Variants in IL1RAPL2 observed in about 807,000 individuals in gnomAD.
The protein encoded by IL1RAPL2 is X-linked interleukin-1 receptor accessory protein-like 2.
A neutral mutation model predicts 44.1 loss-of-function variants in IL1RAPL2; 3 were observed. That is an observed-to-expected ratio of 0.07 (90% confidence interval 0.03 to 0.18). The LOEUF is 0.18. IL1RAPL2 is among the 10% of genes least tolerant of loss of function. IL1RAPL2 has a pLI of 1.00. For synonymous variants in IL1RAPL2, 181 were observed against 178.8 expected, an observed-to-expected ratio of 1.01 and a Z score of -0.10; for missense variants, 391 against 496.4, an observed-to-expected ratio of 0.79 and a Z score of 2.02.
At chrX:105,087,611 C>T (rs1425763866) in intron 2 of IL1RAPL2, among the ~76,000 whole-genome samples, 1 of 111,610 alleles carries the variant, frequency 9.0e-6, no homozygotes, top group Non-Finnish European at 1.9e-5. Flanking sequence ...TTGGCTAATG[C>T]CTATGGTTTG....
chrX:105,702,570 T>C (rs2038129093), intron 6 of IL1RAPL2, among the ~76,000 whole-genome samples: 2 of 111,968 alleles, frequency 1.8e-5, no homozygotes, highest in African/African-American at 6.5e-5. Context: ...CTTTTATTCA[T>C]AAAATTTTAC....
At chrX:105,005,601 T>C (rs757003845) in intron 2 of IL1RAPL2, among the ~76,000 whole-genome samples, 1 of 110,845 alleles carries the variant, frequency 9.0e-6, no homozygotes, top group Admixed American at 9.6e-5. Flanking sequence ...TGTATGTACC[T>C]CTTTCCCCCT....
At chrX:104,734,226 G>T (rs1177269141) in intron 2 of IL1RAPL2, among the ~76,000 whole-genome samples, 2 of 112,245 alleles carry the variant, frequency 1.8e-5, no homozygotes, top group African/African-American at 6.5e-5. Flanking sequence ...AGCTACTCTG[G>T]AAAAACAGTT....
At chrX:105,263,770 C>T in intron 4 of IL1RAPL2, among the ~76,000 whole-genome samples, 1 of 111,194 alleles carries the variant, frequency 9.0e-6, no homozygotes, top group East Asian at 2.9e-4. Flanking sequence ...GATAGCAAGG[C>T]CACAAAACGG....
At chrX:105,466,914 G>A (rs2036134279) in intron 5 of IL1RAPL2, among the ~76,000 whole-genome samples, 1 of 111,513 alleles carries the variant, frequency 9.0e-6, no homozygotes, top group South Asian at 3.8e-4. Context: ...CATGACTAGG[G>A]AGCTCACAAA....
intron 2 of IL1RAPL2, among the ~76,000 whole-genome samples, chrX:104,755,540 T>G (rs1932328214): frequency 9.0e-6 from 1 of 110,535 alleles, no homozygotes; most frequent in African/African-American, 3.3e-5. Flanking sequence ...TTAAAGTTTT[T>G]GAGAAATGTG....
At chrX:105,473,416 G>C (rs1467147067) in intron 5 of IL1RAPL2, among the ~76,000 whole-genome samples, 1 of 111,658 alleles carries the variant, frequency 9.0e-6, no homozygotes, top group African/African-American at 3.3e-5. Context: ...AACTAAGTAA[G>C]TCTTTATGTT....
chrX:105,208,307 G>A (rs1436717337), intron 3 of IL1RAPL2, among the ~76,000 whole-genome samples: 1 of 111,628 alleles, frequency 9.0e-6, no homozygotes, highest in Non-Finnish European at 1.9e-5. Flanking sequence ...CACGTTTTTT[G>A]CAGATGATGT....
At chrX:105,280,327 T>C (rs2034521183) in intron 5 of IL1RAPL2, among the ~76,000 whole-genome samples, 1 of 111,828 alleles carries the variant, frequency 8.9e-6, no homozygotes, top group African/African-American at 3.3e-5. Context: ...ATAAAAGTCC[T>C]AGAAGCAAAC....
chrX:104,585,254 A>T (rs866029270), intron 1 of IL1RAPL2, among the ~76,000 whole-genome samples: 6 of 32,037 alleles, frequency 1.9e-4, no homozygotes, highest in African/African-American at 1.1e-3. Context: ...TATGATATAT[A>T]ATATATATAT....
chrX:105,708,365 G>C (rs1196003226), intron 6 of IL1RAPL2, among the ~76,000 whole-genome samples: 1 of 111,675 alleles, frequency 9.0e-6, no homozygotes, highest in Non-Finnish European at 1.9e-5. Flanking sequence ...AAACACATCA[G>C]TATTTTCTTC....
chrX:105,093,484 A>T (rs116595452), intron 2 of IL1RAPL2, among the ~76,000 whole-genome samples: 5,094 of 111,066 alleles, frequency 0.046, 272 homozygotes, highest in African/African-American at 0.16. Context: ...GGGTGTGGAA[A>T]AATGACAAGT....
rs1371921376 is a variant in IL1RAPL2 at position 105,106,152 on chromosome X, A to C, written c.83-89323A>C. Among the ~76,000 whole-genome samples, 4 of 112,183 alleles carry C rather than the reference A, an allele frequency of 3.6e-5. 1 individual carries two copies. The Admixed American group carries it at 3.8e-4, about 11-fold the overall frequency. ...CTTTGTATGATTCTTAAGTTTGAAA[A>C]TGTAAAAATAACAAGAATAAGAAAA... is the stretch of plus-strand genomic sequence containing the variant. On this transcript the variant is annotated intron_variant, in intron 2 of 10. Transcript: ENST00000372582.
chrX:105,562,499 T>C (rs1373849132), intron 6 of IL1RAPL2, among the ~76,000 whole-genome samples: 1 of 87,937 alleles, frequency 1.1e-5, no homozygotes, highest in Non-Finnish European at 2.2e-5. Flanking sequence ...CAATTATTTG[T>C]GAATTGAAAA....
At chrX:105,219,208 G>T in intron 3 of IL1RAPL2, 1 of 1,211,031 alleles carries the variant, frequency 8.3e-7, no homozygotes, top group South Asian at 1.8e-5. Context: ...CAGCTGAGGC[G>T]GAACTGGTGC....
intron 5 of IL1RAPL2, among the ~76,000 whole-genome samples, chrX:105,424,782 A>G (rs1037892816): frequency 9.1e-6 from 1 of 109,912 alleles, no homozygotes; most frequent in Non-Finnish European, 1.9e-5. Flanking sequence ...AAAAAATAAA[A>G]ATTAAAAAAA....
At chrX:105,384,104 T>G (rs965396891) in intron 5 of IL1RAPL2, among the ~76,000 whole-genome samples, 2 of 111,642 alleles carry the variant, frequency 1.8e-5, no homozygotes, top group Non-Finnish European at 3.8e-5. Context: ...CAGAAGCTTC[T>G]TAGTGTAATA....
intron 2 of IL1RAPL2, among the ~76,000 whole-genome samples, chrX:104,855,495 A>G (rs1272526567): frequency 9.0e-6 from 1 of 110,548 alleles, no homozygotes; most frequent in African/African-American, 3.3e-5. Context: ...GGTGAAGCCA[A>G]GGCTAAGGAC....
At chrX:104,572,327 A>G (rs923010970) in intron 1 of IL1RAPL2, among the ~76,000 whole-genome samples, 1 of 111,904 alleles carries the variant, frequency 8.9e-6, no homozygotes, top group African/African-American at 3.2e-5. Flanking sequence ...ATTTAGCCTC[A>G]GTGTACCTAG....
Sources: allele counts gnomAD v4.1 joint callset (sites outside exome capture counted in the v4.1 genomes callset), GRCh38; gene constraint gnomAD v4.1.1; transcripts MANE v1.5; gene names NCBI Gene and HGNC (gene_info 2026-07-23, HGNC 2026-07-21).